Variants in SCLT1 observed in about 807,000 individuals in gnomAD.
SCLT1 encodes the protein sodium channel and clathrin linker 1, also known as sodium channel-associated protein 1.
Under a neutral mutation model 112.8 loss-of-function variants are expected in SCLT1, and 78 were observed. The observed-to-expected ratio is 0.69, with a 90% CI of 0.58 to 0.83. The LOEUF is 0.83. SCLT1 is among the 40% of genes least tolerant of loss of function. The pLI, the probability that SCLT1 is intolerant of heterozygous loss-of-function variation, is 0.00. For synonymous variants in SCLT1, 257 were observed against 254.7 expected (o/e 1.01, Z -0.09); for missense variants, 747 against 770.4 (o/e 0.97, Z 0.36).
At chr4:129,083,656 C>G (rs1232556450) in intron 1 of SCLT1, among the ~76,000 whole-genome samples, 1 of 151,386 alleles carries the variant, frequency 6.6e-6, no homozygotes, top group East Asian at 1.9e-4. Flanking sequence ...CAGAGCAAGA[C>G]TCTATCTCAG....
At chr4:129,079,722 G>A (rs934116307) in intron 2 of SCLT1, among the ~76,000 whole-genome samples, 2 of 152,252 alleles carry the variant, frequency 1.3e-5, no homozygotes, top group African/African-American at 4.8e-5. Flanking sequence ...GCCCCACTAG[G>A]CAGTGTCCAG....
chr4:128,907,184 G>A (rs1372802045), intron 18 of SCLT1, among the ~76,000 whole-genome samples: 1 of 152,118 alleles, frequency 6.6e-6, no homozygotes, highest in East Asian at 1.9e-4. Context: ...AGGAAATACA[G>A]ATCACAAAGA....
intron 18 of SCLT1, among the ~76,000 whole-genome samples, chr4:128,934,405 G>A (rs2125979745): frequency 6.6e-6 from 1 of 151,774 alleles, no homozygotes; most frequent in Admixed American, 6.6e-5. Flanking sequence ...CCATGTGCTA[G>A]GATTCTAACT....
At chr4:129,008,192 C>CT (rs921322514) in intron 5 of SCLT1, among the ~76,000 whole-genome samples, 5 of 152,118 alleles carry the variant, frequency 3.3e-5, no homozygotes, top group African/African-American at 7.2e-5. Flanking sequence ...ATTTTTCCTT[C>CT]TTTTTTGGGA....
chr4:128,967,200 T>C (rs1038386320), intron 10 of SCLT1, among the ~76,000 whole-genome samples: 1 of 152,260 alleles, frequency 6.6e-6, no homozygotes, highest in African/African-American at 2.4e-5. Context: ...ATTCTTTTTA[T>C]GGCTGTGTAG....
chr4:129,040,444 G>A (rs1163092094), intron 4 of SCLT1, among the ~76,000 whole-genome samples: 1 of 152,146 alleles, frequency 6.6e-6, no homozygotes, highest in African/African-American at 2.4e-5. Flanking sequence ...GAGTGTGAGA[G>A]CACGATCACA....
intron 18 of SCLT1, 64 bp downstream of exon 18, chr4:128,936,591 C>T: frequency 1.1e-6 from 1 of 950,096 alleles, no homozygotes; most frequent in Non-Finnish European, 1.6e-6. Context: ...ATGGCAAGGA[C>T]ATTAAACTAT....
At chr4:129,092,359 A>G (rs538410514) in intron 1 of SCLT1, among the ~76,000 whole-genome samples, 1 of 152,290 alleles carries the variant, frequency 6.6e-6, no homozygotes, top group Non-Finnish European at 1.5e-5. Context: ...TGTCACAAAT[A>G]TTGTTCTATT....
At chr4:128,894,899 A>C (rs1733619147) in intron 18 of SCLT1, among the ~76,000 whole-genome samples, 1 of 152,074 alleles carries the variant, frequency 6.6e-6, no homozygotes, top group Non-Finnish European at 1.5e-5. Flanking sequence ...GCTGGTATCA[A>C]ACTCCTGACC....
At chr4:129,004,914 T>G (rs901904490) in intron 5 of SCLT1, among the ~76,000 whole-genome samples, 1 of 151,696 alleles carries the variant, frequency 6.6e-6, no homozygotes, top group African/African-American at 2.4e-5. Flanking sequence ...AAGACAGTTT[T>G]TATTTTTAAA....
chr4:129,069,404 A>G (rs976736999), intron 2 of SCLT1, among the ~76,000 whole-genome samples: 1 of 152,186 alleles, frequency 6.6e-6, no homozygotes, highest in Non-Finnish European at 1.5e-5. Context: ...ATCCATGAGT[A>G]TGAGATGTGT....
intron 10 of SCLT1, among the ~76,000 whole-genome samples, chr4:128,966,704 ACT>A (rs1485321079): frequency 6.6e-6 from 1 of 150,930 alleles, no homozygotes; most frequent in African/African-American, 2.4e-5. Context: ...CTGGGGACAA[ACT>A]CTCTCATTTT....
chr4:129,084,385 G>C (rs1752218878), intron 1 of SCLT1, among the ~76,000 whole-genome samples: 1 of 151,956 alleles, frequency 6.6e-6, no homozygotes, highest in African/African-American at 2.4e-5. Context: ...TCTAGATACT[G>C]GCAGCATAAA....
At chr4:128,981,935 T>C (rs1741695051) in intron 9 of SCLT1, among the ~76,000 whole-genome samples, 1 of 152,086 alleles carries the variant, frequency 6.6e-6, no homozygotes, top group South Asian at 2.1e-4. Flanking sequence ...GGACATATTT[T>C]AGAAAGATCA....
intron 18 of SCLT1, among the ~76,000 whole-genome samples, chr4:128,914,391 T>C (rs1301590238): frequency 6.6e-6 from 1 of 151,968 alleles, no homozygotes; most frequent in Non-Finnish European, 1.5e-5. Context: ...AGTAATATTA[T>C]CTTTTATTGT....
intron 18 of SCLT1, among the ~76,000 whole-genome samples, chr4:128,912,085 A>G (rs1735143411): frequency 6.6e-6 from 1 of 152,226 alleles, no homozygotes; most frequent in Non-Finnish European, 1.5e-5. Context: ...TTTGATATGA[A>G]TGCTAGAATA....
At chr4:128,930,930 A>T (rs551895510) in intron 18 of SCLT1, among the ~76,000 whole-genome samples, 1 of 152,318 alleles carries the variant, frequency 6.6e-6, no homozygotes, top group South Asian at 2.1e-4. Context: ...TAAGATCAGA[A>T]GGGCTTGTTT....
intron 5 of SCLT1, among the ~76,000 whole-genome samples, chr4:129,036,033 C>T (rs1747153533): frequency 6.6e-6 from 1 of 151,874 alleles, no homozygotes; most frequent in African/African-American, 2.4e-5. Flanking sequence ...ATTATTTAAA[C>T]CTGTCCATGT....
At chr4:129,029,996 A>G (rs1746552630) in intron 5 of SCLT1, among the ~76,000 whole-genome samples, 1 of 152,162 alleles carries the variant, frequency 6.6e-6, no homozygotes, top group Non-Finnish European at 1.5e-5. Context: ...ACCCCACATC[A>G]ACAGAATATA....
Sources: gnomAD v4.1 joint callset for allele counts (sites outside exome capture counted in the v4.1 genomes callset) on GRCh38, gnomAD v4.1.1 for gene constraint, MANE v1.5 for transcripts, NCBI Gene and HGNC (gene_info 2026-07-23, HGNC 2026-07-21) for gene names.